TRNAU1AP: variants seen among roughly 807,000 people sequenced by gnomAD.
TRNAU1AP encodes the protein tRNA selenocysteine 1-associated protein 1.
A neutral mutation model predicts 43.3 loss-of-function variants in TRNAU1AP; 33 were observed. That is an observed-to-expected ratio of 0.76 (90% CI 0.58 to 1.02). The LOEUF (loss-of-function observed/expected upper bound fraction) is 1.02. TRNAU1AP is among the 50% of genes least tolerant of loss of function. The pLI is 0.00. For missense variants in TRNAU1AP, 290 were observed against 362.7 expected, an observed-to-expected ratio of 0.80 and a Z score of 1.63; for synonymous variants, 143 against 129.1, an observed-to-expected ratio of 1.11 and a Z score of -0.73.
chr1:28,564,912 G>A, intron 5 of TRNAU1AP, 78 bp downstream of exon 5: 1 of 1,574,530 alleles, frequency 6.4e-7, no homozygotes, highest in East Asian at 2.3e-5. Context: ...TTTTAGAAAG[G>A]CCCTGCAGCA....
intron 2 of TRNAU1AP, among the ~76,000 whole-genome samples, chr1:28,559,941 G>A (rs145596179): frequency 1.5e-3 from 226 of 152,174 alleles, no homozygotes; most frequent in African/African-American, 5.0e-3. Context: ...AGATCAGCCT[G>A]GCCAACATGG....
intron 8 of TRNAU1AP, among the ~76,000 whole-genome samples, chr1:28,574,969 G>A (rs1665740790): frequency 1.1e-5 from 1 of 87,390 alleles, no homozygotes; most frequent in South Asian, 3.2e-4. Flanking sequence ...TGGGAAACTA[G>A]TGGCTCGGAA....
intron 2 of TRNAU1AP, among the ~76,000 whole-genome samples, chr1:28,554,528 G>T (rs1433100470): frequency 6.6e-6 from 1 of 152,036 alleles, no homozygotes; most frequent in Non-Finnish European, 1.5e-5. Context: ...CTATTATGAA[G>T]AGGCTTAATA....
rs528904136 is a variant in TRNAU1AP at position 28,561,941 on chromosome 1, A to G, written c.278+543A>G. Reference sequence around the variant, plus strand: ...CAACAAATTAGCCGGGCGTGGTGGCAGGCGCCTGTAGTCCCAGCTACTCAG... The same window carrying G: ...CAACAAATTAGCCGGGCGTGGTGGCGGGCGCCTGTAGTCCCAGCTACTCAG... On this transcript the variant is annotated intron_variant, in intron 4 of 8. Coordinates refer to ENST00000373830, the MANE Select transcript of TRNAU1AP (RefSeq NM_017846.5). Among the ~76,000 whole-genome samples the G allele has an allele frequency of 3.0e-3, 452 of 152,140 alleles. 1 individual carries two copies. Among genetic ancestry groups the G allele is most frequent in the Middle Eastern group, 6.8e-3 (2 of 294 alleles).
rs904842908 is a variant in TRNAU1AP at position 28,572,394 on chromosome 1, C to A, written c.727+494C>A. Among the ~76,000 whole-genome samples the A allele has an allele frequency of 2.0e-5, 3 of 151,882 alleles. No individual in the cohort carries two copies. In the South Asian group the frequency reaches 6.3e-4, roughly 32 times the overall value. ...TATTTTTAGTAGAGACAGGGTTTCT[C>A]CATGTTGGCTTGGCCGGTCTCAAAC... On this transcript the variant is annotated intron_variant, in intron 8 of 8. Coordinates refer to ENST00000373830, the MANE Select transcript of TRNAU1AP (RefSeq NM_017846.5).
chr1:28,565,336 T>C (rs1665512720), intron 5 of TRNAU1AP: 1 of 156,318 alleles, frequency 6.4e-6, no homozygotes, highest in South Asian at 1.8e-4. Flanking sequence ...ATACAAAAAA[T>C]TAGCCGGATG....
chr1:28,563,736 C>T (rs989254551), intron 4 of TRNAU1AP, among the ~76,000 whole-genome samples: 6 of 151,938 alleles, frequency 3.9e-5, no homozygotes, highest in Admixed American at 3.3e-4. Context: ...CCTGTAGTCC[C>T]AGCCACTTGG....
intron 5 of TRNAU1AP, chr1:28,565,058 A>G (rs1282177846): frequency 3.6e-6 from 2 of 551,568 alleles, no homozygotes; most frequent in Non-Finnish European, 6.4e-6. Flanking sequence ...AATGGAGCTG[A>G]TTAATAATAG....
At chr1:28,576,609 G>A (rs377314048) in intron 8 of TRNAU1AP, among the ~76,000 whole-genome samples, 2 of 150,260 alleles carry the variant, frequency 1.3e-5, no homozygotes, top group African/African-American at 2.5e-5. Context: ...GAGCCACCGC[G>A]CCCGGCCGAG....
At chr1:28,567,806 A>G (rs1369507246) in intron 6 of TRNAU1AP, among the ~76,000 whole-genome samples, 2 of 152,176 alleles carry the variant, frequency 1.3e-5, no homozygotes, top group African/African-American at 2.4e-5. Flanking sequence ...AGCCTTATTT[A>G]TATTAATGAA....
At chr1:28,575,138 T>C (rs1665745763) in intron 8 of TRNAU1AP, among the ~76,000 whole-genome samples, 1 of 152,178 alleles carries the variant, frequency 6.6e-6, no homozygotes, top group African/African-American at 2.4e-5. Flanking sequence ...CTTAGAATTT[T>C]CCAATCTCTT....
intron 8 of TRNAU1AP, among the ~76,000 whole-genome samples, chr1:28,573,772 CAA>C (rs762729219): frequency 7.1e-5 from 9 of 126,552 alleles, no homozygotes; most frequent in Non-Finnish European, 3.4e-5. Context: ...GACTCTGTCT[CAA>C]AAAAAAAAAA....
rs1354179515 is a variant in TRNAU1AP at position 28,567,337 on chromosome 1, C to T, written c.454C>T (p.Arg152Ter). The stretch of plus-strand genomic sequence containing the variant: ...ATTCACAGATGAACTGGAACAGAAG[C>T]GAGCCCTGACGGAGTGCCAGGGAGC... The part of the protein sequence containing the change: ...VKFTDELEQK[R>*]ALTECQGAVG... Residue 152 changes from arginine to a stop codon, truncating the protein, a stop_gained, in exon 6 of 9, where the codon CGA (arginine) becomes TGA (stop). Coordinates refer to ENST00000373830, the MANE Select transcript of TRNAU1AP (RefSeq NM_017846.5). LOFTEE classifies it high-confidence loss of function. The T allele has an allele frequency of 3.1e-6, 5 of 1,613,684 alleles. No individual in the cohort carries two copies. The highest frequency in any genetic ancestry group is 4.2e-6 in the Non-Finnish European group (5 of 1,179,876).
chr1:28,577,486 T>C lies in TRNAU1AP; in HGVS notation c.728-14T>C, dbSNP rs1180353490. 1.2e-6 allele frequency: 2 copies of C among 1,611,048 alleles called. No individual in the cohort carries two copies. Among genetic ancestry groups the C allele is most frequent in the East Asian group, 2.2e-5 (1 of 44,864 alleles). On this transcript the variant is annotated splice_polypyrimidine_tract_variant and intron_variant, in intron 8 of 8. Transcript: ENST00000373830. ...CCCTAGACTTCCCTGACCCCATCCT[T>C]GCTTGCTTTCCAGACCCCATGCCAC...
intron 4 of TRNAU1AP, among the ~76,000 whole-genome samples, chr1:28,563,330 A>G (rs1665457284): frequency 6.6e-6 from 1 of 151,978 alleles, no homozygotes; most frequent in Non-Finnish European, 1.5e-5. Context: ...CGGGCAGATC[A>G]CAAGGTCAGG....
At chr1:28,566,562 C>T (rs1190016223) in intron 5 of TRNAU1AP, among the ~76,000 whole-genome samples, 1 of 151,810 alleles carries the variant, frequency 6.6e-6, no homozygotes, top group Non-Finnish European at 1.5e-5. Flanking sequence ...ACCATCCTGG[C>T]TAACACGGTG....
At chr1:28,566,066 C>T (rs909413516) in intron 5 of TRNAU1AP, among the ~76,000 whole-genome samples, 10 of 152,158 alleles carry the variant, frequency 6.6e-5, no homozygotes, top group African/African-American at 2.4e-4. Flanking sequence ...CCTGTAATCC[C>T]AGCGCTTCGG....
At chr1:28,573,390 C>T (rs1472907492) in intron 8 of TRNAU1AP, among the ~76,000 whole-genome samples, 1 of 151,514 alleles carries the variant, frequency 6.6e-6, no homozygotes, top group African/African-American at 2.4e-5. Flanking sequence ...CCTGTAATCC[C>T]AGCCCTTTGG....
chr1:28,573,389 C>T (rs1665704506), intron 8 of TRNAU1AP, among the ~76,000 whole-genome samples: 1 of 151,158 alleles, frequency 6.6e-6, no homozygotes, highest in Non-Finnish European at 1.5e-5. Context: ...CCCTGTAATC[C>T]CAGCCCTTTG....
Sources: gnomAD v4.1 joint callset for allele counts (sites outside exome capture counted in the v4.1 genomes callset) on GRCh38, gnomAD v4.1.1 for gene constraint, MANE v1.5 for transcripts, NCBI Gene and HGNC (gene_info 2026-07-23, HGNC 2026-07-21) for gene names.